The following AXL variants were observed in gnomAD, a reference collection of about 807,000 sequenced individuals.
AXL encodes the protein AXL receptor tyrosine kinase.
In AXL, 52 loss-of-function variants were observed where a neutral mutation model predicts 104.5. That is an observed-to-expected ratio of 0.50 (90% CI 0.40 to 0.63). The LOEUF is 0.63. Ranked by LOEUF, AXL falls within the 20% of genes least tolerant of loss-of-function variation. AXL has a pLI of 0.00. For missense variants in AXL, 1,024 were observed against 1,188.5 expected (o/e 0.86, Z 2.04); for synonymous variants, 455 against 473.7 (o/e 0.96, Z 0.51).
chr19:41,252,478 C>A (rs757398624), intron 15 of AXL, 35 bp downstream of exon 15: 10 of 1,601,602 alleles, frequency 6.2e-6, no homozygotes, highest in Non-Finnish European at 8.6e-6. Context: ...GTCTACAAGC[C>A]CCATGGGGGC....
chr19:41,244,783 GC>G (rs2034243854), intron 12 of AXL, among the ~76,000 whole-genome samples: 1 of 152,064 alleles, frequency 6.6e-6, no homozygotes, highest in Admixed American at 6.6e-5. Context: ...GAGCCACCAC[GC>G]CCAGCCAGAG....
chr19:41,219,620 A>C, intron 1 of AXL, 143 bp downstream of exon 1: 1 of 907,748 alleles, frequency 1.1e-6, no homozygotes, highest in Non-Finnish European at 1.7e-6. Flanking sequence ...ACTTCAAGGG[A>C]GGGAGACACA....
Position 41,238,516 on chromosome 19 carries a change from C to A in AXL, c.1041C>A (p.Ser347Arg). 1 of 1,614,070 alleles carries A rather than the reference C, an allele frequency of 6.2e-7. No homozygotes were observed. Among genetic ancestry groups the A allele is most frequent in the Non-Finnish European group, 8.5e-7 (1 of 1,179,976 alleles). The part of the protein sequence containing the change: ...PENISATRNG[S>R]QAFVHWQEPR... ...ACATTAGTGCTACGCGGAATGGGAG[C>A]CAGGCCTTCGTGCATTGGCAAGAGC... The change falls in exon 8 of 20, where the codon AGC becomes AGA. Residue 347 changes from serine (S) to arginine (R), a missense_variant. Around this residue, in one of 5 missense-constraint regions of AXL, gnomAD observed 332 missense variants for 343.9 expected, o/e 0.97. Transcript: ENST00000301178.
intron 6 of AXL, among the ~76,000 whole-genome samples, chr19:41,236,355 A>G (rs1031038830): frequency 2.9e-5 from 4 of 137,412 alleles, no homozygotes; most frequent in Admixed American, 7.3e-5. Flanking sequence ...AAAAAAAATT[A>G]GTCAAGCATG....
chr19:41,245,537 A>G (rs2034257265), intron 12 of AXL, among the ~76,000 whole-genome samples: 1 of 152,106 alleles, frequency 6.6e-6, no homozygotes, highest in Non-Finnish European at 1.5e-5. Context: ...AGCCTGGCCA[A>G]CATGGCGAGA....
At chr19:41,229,938 TGTGA>T (rs1198362943) in intron 4 of AXL, among the ~76,000 whole-genome samples, 5 of 152,120 alleles carry the variant, frequency 3.3e-5, no homozygotes, top group Non-Finnish European at 7.4e-5. Flanking sequence ...TGTTTGTGCA[TGTGA>T]GTGTGTGCAT....
chr19:41,243,782 T>C, intron 12 of AXL, 75 bp downstream of exon 12: 1 of 1,362,784 alleles, frequency 7.3e-7, no homozygotes, highest in Admixed American at 1.7e-5. Flanking sequence ...TGGGCTTCTG[T>C]ACATGTGTGA....
At chr19:41,253,228 C>G (rs2034396094) in intron 16 of AXL, among the ~76,000 whole-genome samples, 1 of 152,152 alleles carries the variant, frequency 6.6e-6, no homozygotes, top group African/African-American at 2.4e-5. Context: ...CGTGGAAGAT[C>G]TTGCCGAGGA....
chr19:41,261,013 TC>T lies in AXL; in HGVS notation c.*1111del, dbSNP rs1313488683. ...AGATTCTCTTGTATAAGATCCTAGA[TC>T]CTAAGGGTCGAAAGCTCTAGAATCT... is the stretch of plus-strand genomic sequence containing the variant. On this transcript the variant is annotated 3_prime_UTR_variant, in exon 20 of 20. Coordinates refer to ENST00000301178, the MANE Select transcript of AXL (RefSeq NM_021913.5). 2 of 152,168 alleles carry T rather than the reference TC, an allele frequency of 1.3e-5. No individual in the cohort carries two copies. Among genetic ancestry groups the T allele is most frequent in the Non-Finnish European group, 2.9e-5 (2 of 68,028 alleles). 9.4% of individuals were successfully genotyped at this position (152,168 alleles called of 1,614,324 possible).
Position 41,219,445 on chromosome 19 carries a change from C to T in AXL, c.53C>T (p.Ala18Val), listed in dbSNP as rs145867512. ...AGGGTCCCGCTGGCCTGGTGCTTGGCGCTGTGCGGCTGGGCGTGCATGGCC... is the reference window on the plus strand; with the variant it reads ...AGGGTCCCGCTGGCCTGGTGCTTGGTGCTGTGCGGCTGGGCGTGCATGGCC... ...MGRVPLAWCL[A>V]LCGWACMAPR... Residue 18 changes from alanine to valine, a missense_variant, in exon 1 of 20, where the codon GCG (alanine) becomes GTG (valine). Ala to Val is a moderately conservative substitution (Grantham distance 64, BLOSUM62 0). Coordinates refer to ENST00000301178, the MANE Select transcript of AXL (RefSeq NM_021913.5). The T allele has an allele frequency of 1.4e-4, 217 of 1,606,016 alleles. 1 individual carries two copies. The African/African-American group carries it at 2.3e-3, about 17-fold the overall frequency.
chr19:41,239,453 CT>C, intron 9 of AXL, 139 bp downstream of exon 9: 1 of 1,300,536 alleles, frequency 7.7e-7, no homozygotes, highest in Non-Finnish European at 1.1e-6. Context: ...CCCTCACTCC[CT>C]TACCCATGCC....
At chr19:41,239,566 A>C (rs878886777) in intron 9 of AXL, 128 bp from the exon 10 acceptor site, 115 of 1,224,210 alleles carry the variant, frequency 9.4e-5, no homozygotes, top group African/African-American at 4.6e-4. Flanking sequence ...ACCCGTGCCA[A>C]ACCTTCACTC....
At chr19:41,230,074 T>C (rs2033949878) in intron 4 of AXL, among the ~76,000 whole-genome samples, 1 of 152,104 alleles carries the variant, frequency 6.6e-6, no homozygotes, top group South Asian at 2.1e-4. Flanking sequence ...TGTCTATATA[T>C]GTGTATATGA....
intron 12 of AXL, 29 bp downstream of exon 12, chr19:41,243,736 G>C (rs1247496487): frequency 6.3e-7 from 1 of 1,589,390 alleles, no homozygotes; most frequent in Non-Finnish European, 8.6e-7. Context: ...CCACTGCCCT[G>C]GCCTGGATCT....
rs914192220 is a variant in AXL, at chr19:41,231,418, T to TG, written c.783+126dup. ...GCCACTGTTGAGAAGCAGTAGAGCCTGGGGGGTTAAGCCAGATGTCCTGGG... is the reference window on the plus strand; with the variant it reads ...GCCACTGTTGAGAAGCAGTAGAGCCTGGGGGGGTTAAGCCAGATGTCCTGGG... On this transcript the variant is annotated intron_variant, in intron 6 of 19. Transcript: ENST00000301178. 3.4e-5 allele frequency: 32 copies of TG among 931,734 alleles called. No individual in the cohort carries two copies. In the East Asian group the frequency reaches 5.8e-4, roughly 17 times the overall value. 57.7% of individuals were successfully genotyped at this position (931,734 alleles called of 1,614,324 possible).
At chr19:41,226,822 C>G (rs12984621) in intron 4 of AXL, 325,522 of 984,058 alleles carry the variant, frequency 0.33, 57,531 homozygotes, top group African/African-American at 0.64. Flanking sequence ...GGCCGGGCAC[C>G]GAGTGGCTCT....
chr19:41,253,484 C>A, intron 16 of AXL, 115 bp from the exon 17 acceptor site: 1 of 768,958 alleles, frequency 1.3e-6, no homozygotes, highest in Non-Finnish European at 2.2e-6. Context: ...GTTGAATTGT[C>A]AGGGCCATGG....
chr19:41,246,418 G>C (rs903470461), intron 12 of AXL, among the ~76,000 whole-genome samples: 11 of 150,962 alleles, frequency 7.3e-5, no homozygotes, highest in Non-Finnish European at 1.6e-4. Context: ...CTGGACTTCA[G>C]CCTGGGCAAC....
At chr19:41,242,315 CTTTTTTTTTTTT>C (rs574315254) in intron 10 of AXL, among the ~76,000 whole-genome samples, 7 of 83,882 alleles carry the variant, frequency 8.3e-5, no homozygotes, top group East Asian at 7.2e-4. Context: ...CTGGCACTCT[CTTTTTTTTTTTT>C]TTTTTTTTTT....
Sources: allele counts gnomAD v4.1 joint callset (sites outside exome capture counted in the v4.1 genomes callset), GRCh38; gene constraint gnomAD v4.1.1; regional missense constraint gnomAD v4.1.1; transcripts MANE v1.5; gene names NCBI Gene and HGNC (gene_info 2026-07-23, HGNC 2026-07-21).